Variants in SEC22C observed in about 807,000 individuals in gnomAD.
SEC22C encodes vesicle-trafficking protein SEC22c.
In SEC22C, 29 loss-of-function variants were observed where a neutral mutation model predicts 34.7. That is an observed-to-expected ratio of 0.84 (90% CI 0.62 to 1.14). SEC22C has a LOEUF of 1.14. Ranked by LOEUF, SEC22C falls within the 50% of genes most tolerant of loss-of-function variation. The pLI is 0.00. For synonymous variants in SEC22C, 117 were observed against 132.8 expected, an observed-to-expected ratio of 0.88 and a Z score of 0.82; for missense variants, 337 against 369.0, an observed-to-expected ratio of 0.91 and a Z score of 0.71.
At chr3:42,601,020 A>C in exon 1 of SEC22C, 1 of 1,576,894 alleles carries the variant, frequency 6.3e-7, no homozygotes, top group Middle Eastern at 2.3e-4. Context: ...GGGGCGCAGG[A>C]CCGGCCGCAG....
At chr3:42,587,030 C>G (rs1332350345) in intron 1 of SEC22C, among the ~76,000 whole-genome samples, 1 of 152,194 alleles carries the variant, frequency 6.6e-6, no homozygotes, top group Non-Finnish European at 1.5e-5. Context: ...TAAGGCCTGC[C>G]AAATCTACTT....
At chr3:42,558,642 A>T (rs532484708) in intron 4 of SEC22C, among the ~76,000 whole-genome samples, 1 of 151,726 alleles carries the variant, frequency 6.6e-6, no homozygotes, top group African/African-American at 2.4e-5. Flanking sequence ...AAATACAAAA[A>T]TTAGCCAGGT....
exon 1 of SEC22C, chr3:42,600,962 C>G: frequency 1.3e-6 from 2 of 1,497,958 alleles, no homozygotes; most frequent in Non-Finnish European, 1.8e-6. Context: ...GCCCTGACCG[C>G]TTTTCTCCCC....
In SEC22C at chr3:42,548,308, T is replaced by G. The variant is rs1702087147; in HGVS notation, c.*4940A>C. 6.1e-6 allele frequency: 2 copies of G among 329,158 alleles called. No homozygotes were observed. The highest frequency in any genetic ancestry group is 9.7e-5 in the East Asian group (2 of 20,690). 20.4% of individuals were successfully genotyped at this position (329,158 alleles called of 1,614,324 possible). On this transcript the variant is annotated 3_prime_UTR_variant, in exon 7 of 7. Transcript: ENST00000264454. Reference sequence around the variant, plus strand: ...CAAATCATATGAATGATTCATGAAATAACACTTCTGAAGCAACCCCAGAAT... The same window carrying G: ...CAAATCATATGAATGATTCATGAAAGAACACTTCTGAAGCAACCCCAGAAT...
At position 42,555,947 on chromosome 3, in the gene SEC22C, C is replaced by A. The variant is rs779101886; in HGVS notation, c.694G>T (p.Val232Leu). 1 of 1,613,482 alleles carries A rather than the reference C, an allele frequency of 6.2e-7. No individual in the cohort carries two copies. The highest frequency in any genetic ancestry group is 2.2e-5 in the East Asian group (1 of 44,864). The change falls in exon 6 of 7, where the codon GTA (valine) becomes TTA (leucine). Residue 232 changes from valine to leucine, a missense_variant. By Grantham distance (32) the Val-to-Leu change is conservative. Coordinates refer to ENST00000264454, the MANE Select transcript of SEC22C (RefSeq NM_032970.4). ...TCACCCACCTGGAAAATGCAGGCTA[C>A]GAAAGGAACAAGAAAAGCCAGAATG... is the stretch of plus-strand genomic sequence containing the variant. ...GNILAFLVPF[V>L]ACIFQCYLYL...
At chr3:42,562,612 CCT>C (rs1319089903) in intron 3 of SEC22C, among the ~76,000 whole-genome samples, 5 of 152,280 alleles carry the variant, frequency 3.3e-5, no homozygotes, top group African/African-American at 7.2e-5. Flanking sequence ...GGTTCTGCCC[CCT>C]GACCATTTAT....
At chr3:42,566,969 T>C in intron 2 of SEC22C, 1 of 187,864 alleles carries the variant, frequency 5.3e-6, no homozygotes, top group Non-Finnish European at 1.2e-5. Context: ...CTTTGGAGGC[T>C]GAGGTGTGAA....
rs562904993 is a variant in SEC22C at position 42,591,318 on chromosome 3, C to T, written c.-28+9642G>A. 26 of 595,872 alleles carry T rather than the reference C, an allele frequency of 4.4e-5. No individual in the cohort carries two copies. The African/African-American group carries it at 4.8e-4, about 11-fold the overall frequency. 36.9% of individuals were successfully genotyped at this position (595,872 alleles called of 1,614,324 possible). ...GCTTCAAGCGAGTCTCCTGCCTCAG[C>T]CTCCTGAGTAGCTGGGATTACAGGA... On this transcript the variant is annotated intron_variant, in intron 1 of 6. Transcript: ENST00000417572.
rs1702101039 is a variant in SEC22C at position 42,548,701 on chromosome 3, A to T, written c.*4547T>A. On this transcript the variant is annotated 3_prime_UTR_variant, in exon 7 of 7. Transcript: ENST00000264454. ...CAATGGTACCATGCGCTCTGTGCCC[A>T]GGGAGTGAAAGGCAGGTCCAGGGTG... The T allele has an allele frequency of 6.2e-7, 1 of 1,613,496 alleles. No homozygotes were observed. The highest frequency in any genetic ancestry group is 1.1e-5 in the South Asian group (1 of 91,056).
chr3:42,591,612 C>T, intron 1 of SEC22C: 1 of 1,601,768 alleles, frequency 6.2e-7, no homozygotes. Flanking sequence ...GTAAGTACCC[C>T]CACCCCCGCG....
chr3:42,598,909 G>A (rs1472335800), intron 1 of SEC22C, among the ~76,000 whole-genome samples: 1 of 133,448 alleles, frequency 7.5e-6, no homozygotes, highest in Non-Finnish European at 1.7e-5. Flanking sequence ...CACATAATGT[G>A]TATATATATC....
chr3:42,595,980 CTCTT>C (rs1307152999), intron 1 of SEC22C, among the ~76,000 whole-genome samples: 2 of 152,028 alleles, frequency 1.3e-5, no homozygotes, highest in Admixed American at 6.6e-5. Context: ...AGGGCTCTGG[CTCTT>C]TCTTTTTTCT....
chr3:42,557,276 A>G (rs1454753184), intron 5 of SEC22C, among the ~76,000 whole-genome samples: 1 of 152,138 alleles, frequency 6.6e-6, no homozygotes, highest in Non-Finnish European at 1.5e-5. Context: ...TGGGTAAATA[A>G]TCCAGTCCCT....
rs1704677597 is a variant in SEC22C at position 42,587,951 on chromosome 3, TA to T, written c.-28+13008del. Among the ~76,000 whole-genome samples, 3 of 151,696 alleles carry T rather than the reference TA, an allele frequency of 2.0e-5. No homozygotes were observed. The South Asian group carries it at 6.2e-4, about 32-fold the overall frequency. ...AGCTGGGCGTGGTGGTGCATGCCTG[TA>T]ATCCTGGCCACTTGGGAGGCTGAGG... On this transcript the variant is annotated intron_variant, in intron 1 of 6. Coordinates refer to the SEC22C transcript ENST00000417572.
intron 1 of SEC22C, chr3:42,600,736 C>T: frequency 6.2e-6 from 2 of 320,192 alleles, no homozygotes; most frequent in Non-Finnish European, 1.1e-5. Context: ...GCAGTGCTTT[C>T]TCTTCTGCTC....
Position 42,551,027 on chromosome 3 carries a change from C to A in SEC22C, c.*2221G>T. 1 of 813,268 alleles carries A rather than the reference C, an allele frequency of 1.2e-6. No individual in the cohort carries two copies. Among genetic ancestry groups the A allele is most frequent in the African/African-American group, 2.0e-5 (1 of 50,744 alleles). The allele number at this position is 813,268 out of a possible 1,614,324, so 50.4% of individuals were successfully genotyped here. A position where few individuals can be genotyped will look rare whatever the true frequency, so the allele number is the denominator to read the frequency against. On this transcript the variant is annotated 3_prime_UTR_variant, in exon 7 of 7. Coordinates refer to ENST00000264454, the MANE Select transcript of SEC22C (RefSeq NM_032970.4). ...GGGGCTACAGGCACAAGCCACCGTG[C>A]CCAGCTAATTTTTGTATTTTTAGTA...
chr3:42,585,545 C>T (rs1382838592), upstream of SEC22C, among the ~76,000 whole-genome samples: 2 of 152,214 alleles, frequency 1.3e-5, no homozygotes, highest in Non-Finnish European at 2.9e-5. Flanking sequence ...TGTCCCTCTA[C>T]TTTGTTTTAT....
chr3:42,565,086 T>C (rs977259484), intron 2 of SEC22C, among the ~76,000 whole-genome samples: 3 of 152,134 alleles, frequency 2.0e-5, no homozygotes, highest in African/African-American at 7.2e-5. Flanking sequence ...CACTCCATCC[T>C]ATGTAAGCCC....
Position 42,550,571 on chromosome 3 carries a change from A to G in SEC22C, c.*2677T>C, listed in dbSNP as rs1013294907. ...GTCAAACAATGTTTTTGTGGTCATT[A>G]CTTGTACTGTTTTTCTAGTGCATCT... On this transcript the variant is annotated 3_prime_UTR_variant, in exon 7 of 7. Coordinates refer to ENST00000264454, the MANE Select transcript of SEC22C (RefSeq NM_032970.4). 9.1e-6 allele frequency: 9 copies of G among 985,304 alleles called. No individual in the cohort carries two copies. Among genetic ancestry groups the G allele is most frequent in the Non-Finnish European group, 1.1e-5 (9 of 829,938 alleles). 61.0% of individuals were successfully genotyped at this position (985,304 alleles called of 1,614,324 possible).
Sources: gnomAD v4.1 joint callset for allele counts (sites outside exome capture counted in the v4.1 genomes callset) on GRCh38, gnomAD v4.1.1 for gene constraint, MANE v1.5 for transcripts, NCBI Gene and HGNC (gene_info 2026-07-23, HGNC 2026-07-21) for gene names.